Variants in RSBN1L observed in about 807,000 individuals in gnomAD.
The protein encoded by RSBN1L is round spermatid basic protein 1 like.
In RSBN1L, 30 loss-of-function variants were observed where a neutral mutation model predicts 67.7. The observed-to-expected ratio is 0.44, with a 90% confidence interval of 0.33 to 0.60. The LOEUF (loss-of-function observed/expected upper bound fraction) is 0.60. Ranked by LOEUF, RSBN1L falls within the 20% of genes least tolerant of loss-of-function variation. The pLI, the probability that RSBN1L is intolerant of heterozygous loss-of-function variation, is 0.02. For synonymous variants in RSBN1L, 433 were observed against 387.0 expected (o/e 1.12, Z -1.39); for missense variants, 992 against 1,031.7 (o/e 0.96, Z 0.53).
chr7:77,713,807 C>G (rs183589411), intron 1 of RSBN1L, among the ~76,000 whole-genome samples: 4 of 152,204 alleles, frequency 2.6e-5, no homozygotes, highest in African/African-American at 4.8e-5. Context: ...CCTGGCTCTT[C>G]TGGCTTTTAT....
chr7:77,709,205 T>A (rs551015075), intron 1 of RSBN1L, among the ~76,000 whole-genome samples: 59 of 151,856 alleles, frequency 3.9e-4, no homozygotes, highest in African/African-American at 1.2e-3. Flanking sequence ...TGTATGTATG[T>A]GTATGTGTAT....
At chr7:77,759,004 T>C (rs1321539084) in intron 3 of RSBN1L, among the ~76,000 whole-genome samples, 1 of 152,236 alleles carries the variant, frequency 6.6e-6, no homozygotes, top group Non-Finnish European at 1.5e-5. Flanking sequence ...CTAAGTTATT[T>C]CTCAGGTAAC....
intron 3 of RSBN1L, among the ~76,000 whole-genome samples, chr7:77,754,714 C>T (rs1791594614): frequency 6.6e-6 from 1 of 152,074 alleles, no homozygotes; most frequent in Admixed American, 6.6e-5. Context: ...TAGTAATTAG[C>T]CATGGCACTA....
At position 77,765,575 on chromosome 7, in the gene RSBN1L, A is replaced by G; in HGVS notation, c.1425A>G (p.Glu475=). 2 of 1,611,084 alleles carry G rather than the reference A, an allele frequency of 1.2e-6. No individual in the cohort carries two copies. Among genetic ancestry groups the G allele is most frequent in the South Asian group, 2.2e-5 (2 of 90,496 alleles). ...QISLVGAVDE[E]VGDYFPEFLD... ...GCTTGGTGGGAGCAGTTGATGAAGAAGTAGGAGATTATTTCCCTGAGTTCC... is the reference window on the plus strand; with the variant it reads ...GCTTGGTGGGAGCAGTTGATGAAGAGGTAGGAGATTATTTCCCTGAGTTCC... Residue 475 remains glutamate (E), a synonymous_variant, in exon 4 of 8, where the codon GAA becomes GAG. Transcript: ENST00000334955.
intron 1 of RSBN1L, among the ~76,000 whole-genome samples, chr7:77,718,779 A>G (rs1337970509): frequency 1.3e-5 from 2 of 152,216 alleles, no homozygotes; most frequent in Non-Finnish European, 2.9e-5. Flanking sequence ...ATTTTATTAT[A>G]TCAGATGATT....
At chr7:77,700,085 G>A (rs1002370245) in intron 1 of RSBN1L, among the ~76,000 whole-genome samples, 2 of 152,104 alleles carry the variant, frequency 1.3e-5, no homozygotes, top group African/African-American at 2.4e-5. Flanking sequence ...GTGAGCCACC[G>A]TGCCTGGCCA....
At chr7:77,731,726 C>T (rs1468694392) in intron 1 of RSBN1L, among the ~76,000 whole-genome samples, 1 of 151,626 alleles carries the variant, frequency 6.6e-6, no homozygotes, top group African/African-American at 2.4e-5. Context: ...TTTATCAGTT[C>T]TTTTTTTTAA....
chr7:77,738,393 T>G (rs1248106993), intron 2 of RSBN1L, among the ~76,000 whole-genome samples: 1 of 152,186 alleles, frequency 6.6e-6, no homozygotes, highest in African/African-American at 2.4e-5. Flanking sequence ...TAGTGATGAT[T>G]AAGGTAAAAG....
rs375272315 is a variant in RSBN1L, at chr7:77,778,584, C to T, written c.1957C>T (p.Arg653Cys). 1.1e-5 allele frequency: 18 copies of T among 1,613,672 alleles called. No individual in the cohort carries two copies. The highest frequency in any genetic ancestry group is 5.3e-5 in the African/African-American group (4 of 74,908). Residue 653 changes from arginine (R) to cysteine (C), a missense_variant, in exon 8 of 8, where the codon CGC (arginine) becomes TGC (cysteine). Around this residue, in one of 7 missense-constraint regions of RSBN1L, gnomAD observed 55 missense variants for 112.8 expected, o/e 0.49. Coordinates refer to ENST00000334955, the MANE Select transcript of RSBN1L (RefSeq NM_198467.3). ...KLNQLRREGI[R>C]YARIQLYDND... ...GAATCAACTGAGGAGGGAAGGCATTCGCTATGCCAGGATTCAGCTATATGA... is the reference window on the plus strand; with the variant it reads ...GAATCAACTGAGGAGGGAAGGCATTTGCTATGCCAGGATTCAGCTATATGA...
chr7:77,696,621 A>C lies in RSBN1L; in HGVS notation c.152A>C (p.Lys51Thr). ...SAKKVRTEEKKAPRRVNGEGG... is the reference protein window; with the variant it reads ...SAKKVRTEEKTAPRRVNGEGG... ...AAGAAGGTCCGGACTGAGGAGAAGA[A>C]GGCACCGCGGAGAGTGAACGGAGAA... The change falls in exon 1 of 8, where the codon AAG becomes ACG. Residue 51 changes from lysine (K) to threonine (T), a missense_variant. Coordinates refer to ENST00000334955, the MANE Select transcript of RSBN1L (RefSeq NM_198467.3). The C allele has an allele frequency of 6.2e-7, 1 of 1,614,016 alleles. No individual in the cohort carries two copies. The highest frequency in any genetic ancestry group is 8.5e-7 in the Non-Finnish European group (1 of 1,179,956).
intron 1 of RSBN1L, among the ~76,000 whole-genome samples, chr7:77,722,747 TGG>T (rs778231616): frequency 2.6e-5 from 4 of 151,960 alleles, no homozygotes; most frequent in Non-Finnish European, 5.9e-5. Flanking sequence ...ACATTATTCC[TGG>T]AAGGAATAAT....
In RSBN1L at chr7:77,696,919, T is replaced by C. The variant is rs899091389; in HGVS notation, c.450T>C (p.Ala150=). ...TCCTCCTGCCCGCCGCCGCCGCCGCTGCCTCGGCTAACGCCAAGTCGCGCA... is the reference window on the plus strand; with the variant it reads ...TCCTCCTGCCCGCCGCCGCCGCCGCCGCCTCGGCTAACGCCAAGTCGCGCA... ...HHLLLPAAAA[A]ASANAKSRRP... Residue 150 remains alanine (A), a synonymous_variant, in exon 1 of 8, where the codon GCT becomes GCC. Coordinates refer to ENST00000334955, the MANE Select transcript of RSBN1L (RefSeq NM_198467.3). 6.2e-7 allele frequency: 1 copy of C among 1,602,714 alleles called. No individual in the cohort carries two copies. Among genetic ancestry groups the C allele is most frequent in the Non-Finnish European group, 8.5e-7 (1 of 1,179,312 alleles).
chr7:77,751,458 G>A (rs1383940312), intron 3 of RSBN1L, among the ~76,000 whole-genome samples: 1 of 152,180 alleles, frequency 6.6e-6, no homozygotes, highest in Non-Finnish European at 1.5e-5. Flanking sequence ...AATTTTTAAT[G>A]TGCGTATGTG....
At chr7:77,713,006 A>G (rs1248498726) in intron 1 of RSBN1L, among the ~76,000 whole-genome samples, 2 of 152,206 alleles carry the variant, frequency 1.3e-5, no homozygotes, top group Non-Finnish European at 2.9e-5. Context: ...ATTCTTTCCA[A>G]TGCTAAGTTT....
Position 77,703,477 on chromosome 7 carries a change from GTTTTTTTTTTTTT to G in RSBN1L, c.586+6440_586+6452del, listed in dbSNP as rs71529102. On this transcript the variant is annotated intron_variant, in intron 1 of 7. Coordinates refer to ENST00000334955, the MANE Select transcript of RSBN1L (RefSeq NM_198467.3). ...GTGTCTCTTTTTTCCTACTGTTTGG[GTTTTTTTTTTTTT>G]TTTTTTTTTTTTTTTTTGAGAAGGA... Among the ~76,000 whole-genome samples the G allele has an allele frequency of 4.9e-4, 30 of 61,610 alleles. No homozygotes were observed. The East Asian group carries it at 8.4e-3, about 17-fold the overall frequency. 40.4% of individuals were successfully genotyped at this position (61,610 alleles called of 152,430 possible).
At chr7:77,737,750 C>T (rs909543629) in intron 2 of RSBN1L, among the ~76,000 whole-genome samples, 5 of 152,136 alleles carry the variant, frequency 3.3e-5, no homozygotes, top group African/African-American at 9.7e-5. Context: ...AGGCCAGGTT[C>T]GGTCGCTCAT....
At chr7:77,736,284 G>T in intron 1 of RSBN1L, 126 bp from the exon 2 acceptor site, 1 of 310,326 alleles carries the variant, frequency 3.2e-6, no homozygotes. Flanking sequence ...AAAAGAAAAG[G>T]CATTATTTGT....
chr7:77,705,370 A>G (rs925156058), intron 1 of RSBN1L, among the ~76,000 whole-genome samples: 1 of 152,138 alleles, frequency 6.6e-6, no homozygotes, highest in Admixed American at 6.6e-5. Flanking sequence ...TTCGAGTTAA[A>G]CAATTTTGGT....
At chr7:77,709,192 G>GTGTA (rs1259327099) in intron 1 of RSBN1L, among the ~76,000 whole-genome samples, 1 of 128,322 alleles carries the variant, frequency 7.8e-6, no homozygotes, top group Non-Finnish European at 1.6e-5. Flanking sequence ...GTGTGTGTGT[G>GTGTA]TGTGTATGTA....
Sources: gnomAD v4.1 joint callset for allele counts (sites outside exome capture counted in the v4.1 genomes callset) on GRCh38, gnomAD v4.1.1 for gene constraint, gnomAD v4.1.1 regional missense constraint, MANE v1.5 for transcripts, NCBI Gene and HGNC (gene_info 2026-07-23, HGNC 2026-07-21) for gene names.